The following CACHD1 variants were observed in gnomAD, a reference collection of about 807,000 sequenced individuals.
CACHD1 encodes the protein VWFA and cache domain-containing protein 1.
A neutral mutation model predicts 138.7 loss-of-function variants in CACHD1; 71 were observed. The observed-to-expected ratio is 0.51, with a 90% confidence interval of 0.42 to 0.62. The LOEUF (loss-of-function observed/expected upper bound fraction) is 0.62. Among genes scored for constraint, CACHD1 ranks in the 20% least tolerant of loss-of-function variants. The pLI, the probability that CACHD1 is intolerant of heterozygous loss-of-function variation, is 0.00. For synonymous variants in CACHD1, 578 were observed against 591.5 expected (o/e 0.98, Z 0.33); for missense variants, 1,389 against 1,625.3 (o/e 0.85, Z 2.50).
At chr1:64,560,565 C>T (rs960491492) in intron 2 of CACHD1, among the ~76,000 whole-genome samples, 2 of 151,758 alleles carry the variant, frequency 1.3e-5, no homozygotes, top group Non-Finnish European at 2.9e-5. Flanking sequence ...AGAGAACATA[C>T]TGTTTGATTT....
At chr1:64,677,500 G>A (rs774977504) in intron 22 of CACHD1, among the ~76,000 whole-genome samples, 3 of 152,160 alleles carry the variant, frequency 2.0e-5, no homozygotes, top group Admixed American at 6.6e-5. Flanking sequence ...TAAGTAAAGG[G>A]GAGTTGGTTT....
chr1:64,601,026 T>G (rs1035000813), intron 3 of CACHD1, among the ~76,000 whole-genome samples: 13 of 152,322 alleles, frequency 8.5e-5, no homozygotes, highest in Middle Eastern at 3.4e-3. Context: ...ATAATACATT[T>G]TCATCATCCC....
chr1:64,559,657 C>A (rs1357967604), intron 2 of CACHD1, among the ~76,000 whole-genome samples: 4 of 151,100 alleles, frequency 2.6e-5, no homozygotes, highest in South Asian at 2.1e-4. Context: ...ATTAAAAAAA[C>A]AAAATAAACA....
At position 64,691,481 on chromosome 1, in the gene CACHD1, C is replaced by T. The variant is rs1247992209; in HGVS notation, c.3745C>T (p.Arg1249Trp). ...ALLSHKFHHY[R>W]SHHPTLHHSH... ...ACTAAGTCACAAGTTCCACCACTAC[C>T]GGTCACACCACCCTACACTTCATCA... is the stretch of plus-strand genomic sequence containing the variant. Residue 1249 changes from arginine to tryptophan, a missense_variant, in exon 27 of 27, where the codon CGG (arginine) becomes TGG (tryptophan). By Grantham distance (101) the Arg-to-Trp change is moderately radical. Transcript: ENST00000651257. 8.7e-6 allele frequency: 14 copies of T among 1,613,984 alleles called. No homozygotes were observed. Among genetic ancestry groups the T allele is most frequent in the African/African-American group, 5.3e-5 (4 of 74,892 alleles).
chr1:64,506,756 AT>A (rs1557466436), intron 1 of CACHD1, among the ~76,000 whole-genome samples: 2 of 152,220 alleles, frequency 1.3e-5, no homozygotes, highest in African/African-American at 4.8e-5. Flanking sequence ...TTTAGAGAAG[AT>A]GTTCAAAGAG....
At chr1:64,680,385 G>A (rs1180820186) in intron 24 of CACHD1, among the ~76,000 whole-genome samples, 7 of 152,072 alleles carry the variant, frequency 4.6e-5, no homozygotes, top group Non-Finnish European at 8.8e-5. Context: ...CTACTTGGGA[G>A]GCTGAGGCAG....
In CACHD1 at chr1:64,658,790, C is replaced by A; in HGVS notation, c.1868C>A (p.Pro623His). 2 of 1,606,328 alleles carry A rather than the reference C, an allele frequency of 1.2e-6. No individual in the cohort carries two copies. Among genetic ancestry groups the A allele is most frequent in the East Asian group, 2.2e-5 (1 of 44,740 alleles). The change falls in exon 13 of 27, where the codon CCC (proline) becomes CAC (histidine). Residue 623 changes from proline (P) to histidine (H), a missense_variant. Physicochemically the swap from Pro to His is moderately conservative, Grantham distance 77 (BLOSUM62 -2). Transcript: ENST00000651257. ...CAACTGAAGAACCTCAACACTGTTC[C>A]CAGCAGCAAGCTGCTGTACCACCGG... The part of the protein sequence containing the change: ...VKQLKNLNTV[P>H]SSKLLYHRLD...
At chr1:64,647,726 G>A in intron 8 of CACHD1, 75 bp from the exon 9 acceptor site, 13 of 1,270,982 alleles carry the variant, frequency 1.0e-5, no homozygotes, top group Non-Finnish European at 1.5e-5. Context: ...GCCCGTATTT[G>A]ATCTAAATGG....
intron 2 of CACHD1, among the ~76,000 whole-genome samples, chr1:64,569,036 C>G (rs1439155055): frequency 6.6e-6 from 1 of 152,132 alleles, no homozygotes; most frequent in East Asian, 1.9e-4. Flanking sequence ...ATTTTCCTGC[C>G]TCAGCCTCCC....
intron 1 of CACHD1, among the ~76,000 whole-genome samples, chr1:64,474,639 A>G (rs1319836916): frequency 1.3e-5 from 2 of 152,246 alleles, no homozygotes; most frequent in Non-Finnish European, 2.9e-5. Flanking sequence ...ACAACTCCTT[A>G]AGGAGTTTAC....
intron 17 of CACHD1, 98 bp from the exon 18 acceptor site, chr1:64,673,060 G>C: frequency 9.9e-7 from 1 of 1,008,484 alleles, no homozygotes. Context: ...GATAAATGCA[G>C]TTTGTTTCAG....
At chr1:64,649,863 G>C (rs188216126) in intron 9 of CACHD1, among the ~76,000 whole-genome samples, 3 of 152,250 alleles carry the variant, frequency 2.0e-5, no homozygotes, top group African/African-American at 7.2e-5. Flanking sequence ...TTGGTTTGCA[G>C]ATCTATTGAA....
At chr1:64,529,066 T>G (rs528369728) in intron 1 of CACHD1, among the ~76,000 whole-genome samples, 1 of 152,290 alleles carries the variant, frequency 6.6e-6, no homozygotes, top group Admixed American at 6.5e-5. Flanking sequence ...TTTGAATTCA[T>G]GAATCTATAG....
In CACHD1 at chr1:64,634,088, A is replaced by G. The variant is rs761281548; in HGVS notation, c.834A>G (p.Leu278=). The G allele has an allele frequency of 1.2e-6, 2 of 1,612,598 alleles. No individual in the cohort carries two copies. Among genetic ancestry groups the G allele is most frequent in the Non-Finnish European group, 1.7e-6 (2 of 1,179,792 alleles). ...CAGATACCGTCCGGACTTGCTCACTAGACCAGTGCTATAAGACCTTCTTGT... is the reference window on the plus strand; with the variant it reads ...CAGATACCGTCCGGACTTGCTCACTGGACCAGTGCTATAAGACCTTCTTGT... The part of the protein sequence containing the change: ...TVADTVRTCS[L]DQCYKTFLSP... Residue 278 remains leucine (L), a synonymous_variant, in exon 7 of 27, where the codon CTA becomes CTG. Coordinates refer to ENST00000651257, the MANE Select transcript of CACHD1 (RefSeq NM_020925.4).
chr1:64,616,865 G>A (rs1647726892), intron 4 of CACHD1, among the ~76,000 whole-genome samples: 1 of 152,192 alleles, frequency 6.6e-6, no homozygotes, highest in South Asian at 2.1e-4. Context: ...CTAGATGCAG[G>A]TTGAGTGGGA....
At chr1:64,490,821 A>G (rs1460828879) in intron 1 of CACHD1, among the ~76,000 whole-genome samples, 3 of 152,214 alleles carry the variant, frequency 2.0e-5, no homozygotes, top group Admixed American at 2.0e-4. Flanking sequence ...ACTTTGTATC[A>G]TGCTTTTTCA....
chr1:64,561,517 A>G (rs1232455643), intron 2 of CACHD1, among the ~76,000 whole-genome samples: 1 of 152,170 alleles, frequency 6.6e-6, no homozygotes, highest in Non-Finnish European at 1.5e-5. Flanking sequence ...AAGATACCCT[A>G]GTGACAAATC....
chr1:64,634,995 C>CAAAAA (rs71056059), intron 7 of CACHD1, among the ~76,000 whole-genome samples: 1 of 63,852 alleles, frequency 1.6e-5, no homozygotes, highest in African/African-American at 6.9e-5. Flanking sequence ...GACTCTGTCT[C>CAAAAA]AAAAAAAAAA....
intron 3 of CACHD1, among the ~76,000 whole-genome samples, chr1:64,601,538 A>C (rs369539055): frequency 1.3e-5 from 2 of 152,180 alleles, no homozygotes; most frequent in Non-Finnish European, 2.9e-5. Context: ...AAATCCAGCT[A>C]TCTCCTTCTT....
Sources: gnomAD v4.1 joint callset for allele counts (sites outside exome capture counted in the v4.1 genomes callset) on GRCh38, gnomAD v4.1.1 for gene constraint, MANE v1.5 for transcripts, NCBI Gene and HGNC (gene_info 2026-07-23, HGNC 2026-07-21) for gene names.